Variants in FKTN observed in about 807,000 individuals in gnomAD.
The protein encoded by FKTN is ribitol-5-phosphate transferase FKTN.
In FKTN, 47 loss-of-function variants were observed where a neutral mutation model predicts 58.6. The ratio of observed to expected loss-of-function variants is 0.80; its 90% CI spans 0.63 to 1.02. FKTN has a LOEUF of 1.02. Ranked by LOEUF, FKTN falls within the 50% of genes least tolerant of loss-of-function variation. FKTN has a pLI of 0.00. For synonymous variants in FKTN, 178 were observed against 191.9 expected (o/e 0.93, Z 0.60); for missense variants, 516 against 537.3 (o/e 0.96, Z 0.39).
rs1834025619 is a variant in FKTN at position 105,636,242 on chromosome 9, A to G, written c.*978A>G. The G allele has an allele frequency of 2.2e-6, 2 of 905,730 alleles. No homozygotes were observed. Among genetic ancestry groups the G allele is most frequent in the Non-Finnish European group, 2.6e-6 (2 of 757,786 alleles). 56.1% of individuals were successfully genotyped at this position (905,730 alleles called of 1,614,324 possible). On this transcript the variant is annotated 3_prime_UTR_variant, in exon 11 of 11. Coordinates refer to ENST00000357998, the MANE Select transcript of FKTN (RefSeq NM_001079802.2). Reference sequence around the variant, plus strand: ...TTAAATATACTCTAATTTTTAAAACATACTCTTTATTATCTTCATTTATCA... The same window carrying G: ...TTAAATATACTCTAATTTTTAAAACGTACTCTTTATTATCTTCATTTATCA...
In FKTN at chr9:105,635,563, C is replaced by A. The variant is rs138262451; in HGVS notation, c.*299C>A. 217 of 1,269,062 alleles carry A rather than the reference C, an allele frequency of 1.7e-4. No homozygotes were observed. The African/African-American group carries it at 2.9e-3, about 17-fold the overall frequency. The allele number at this position is 1,269,062 out of a possible 1,614,324, so 78.6% of individuals were successfully genotyped here. On this transcript the variant is annotated 3_prime_UTR_variant, in exon 11 of 11. Coordinates refer to ENST00000357998, the MANE Select transcript of FKTN (RefSeq NM_001079802.2). ...TCCTTTGAGGGAACCCTCCCCCACC[C>A]TTTGAAGAGTTCAAGTTCTGTACAG...
At chr9:105,619,442 C>A (rs1831459816) in intron 9 of FKTN, among the ~76,000 whole-genome samples, 1 of 152,040 alleles carries the variant, frequency 6.6e-6, no homozygotes, top group Admixed American at 6.5e-5. Context: ...TTTACCTTAA[C>A]TTTTATTTTT....
intron 10 of FKTN, among the ~76,000 whole-genome samples, chr9:105,633,749 G>T (rs952373337): frequency 1.3e-5 from 2 of 152,174 alleles, no homozygotes; most frequent in African/African-American, 2.4e-5. Flanking sequence ...TCCTTTTCAT[G>T]TATGGCTTTA....
chr9:105,636,829 TA>T lies in FKTN; in HGVS notation c.*1566del. ...CTGGTAGACTTTTTCGAAAACAAATTAGAGAAAGTAACTTACAACCACCCAT... is the reference window on the plus strand; with the variant it reads ...CTGGTAGACTTTTTCGAAAACAAATTGAGAAAGTAACTTACAACCACCCAT... On this transcript the variant is annotated 3_prime_UTR_variant, in exon 11 of 11. Coordinates refer to ENST00000357998, the MANE Select transcript of FKTN (RefSeq NM_001079802.2). The T allele has an allele frequency of 8.2e-7, 1 of 1,218,120 alleles. No homozygotes were observed. Among genetic ancestry groups the T allele is most frequent in the Non-Finnish European group, 1.1e-6 (1 of 936,212 alleles). The allele number at this position is 1,218,120 out of a possible 1,614,324, so 75.5% of individuals were successfully genotyped here. A position where few individuals can be genotyped will look rare whatever the true frequency, so the allele number is the denominator to read the frequency against.
At chr9:105,632,701 AACT>A (rs1331418779) in intron 10 of FKTN, among the ~76,000 whole-genome samples, 1 of 152,188 alleles carries the variant, frequency 6.6e-6, no homozygotes, top group Non-Finnish European at 1.5e-5. Flanking sequence ...CCAATTATTG[AACT>A]ACTGTTTTAT....
chr9:105,588,125 C>G (rs1468665050), intron 3 of FKTN, among the ~76,000 whole-genome samples: 4 of 152,196 alleles, frequency 2.6e-5, no homozygotes, highest in Non-Finnish European at 4.4e-5. Flanking sequence ...ATAAGAAACA[C>G]TGTTGGATAC....
chr9:105,638,686 A>G lies in FKTN; in HGVS notation c.*3422A>G. 1.1e-6 allele frequency: 1 copy of G among 936,246 alleles called. No individual in the cohort carries two copies. Among genetic ancestry groups the G allele is most frequent in the Non-Finnish European group, 1.3e-6 (1 of 786,452 alleles). 58.0% of individuals were successfully genotyped at this position (936,246 alleles called of 1,614,324 possible). On this transcript the variant is annotated 3_prime_UTR_variant, in exon 11 of 11. Transcript: ENST00000357998. The stretch of plus-strand genomic sequence containing the variant: ...CTGGAGTCACTTTGCAGTTTTCAAG[A>G]TTTTTTTTTTATCTGCTTGGCTGGA...
chr9:105,574,109 CAT>C (rs984904208), intron 2 of FKTN: 2 of 152,138 alleles, frequency 1.3e-5, no homozygotes, highest in African/African-American at 4.8e-5. Flanking sequence ...AGAACTGTAA[CAT>C]GTAGAAATAA....
chr9:105,591,612 T>C lies in FKTN; in HGVS notation c.106-4986T>C, dbSNP rs572992708. Among the ~76,000 whole-genome samples, 22 of 152,316 alleles carry C rather than the reference T, an allele frequency of 1.4e-4. No homozygotes were observed. The South Asian group carries it at 4.3e-3, about 30-fold the overall frequency. On this transcript the variant is annotated intron_variant, in intron 3 of 10. Transcript: ENST00000357998. ...CCACAACTGCTCTCATGGGCTGACA[T>C]TGAGTGCCTGCAGCTTTTCCTGGTG...
intron 4 of FKTN, 125 bp downstream of exon 4, chr9:105,596,782 T>C: frequency 2.6e-6 from 2 of 765,950 alleles, no homozygotes; most frequent in East Asian, 5.1e-5. Flanking sequence ...GGCCGGTTGG[T>C]AGTGGCAGGT....
rs562441818 is a variant in FKTN at position 105,607,274 on chromosome 9, A to G, written c.648-545A>G. 2.0e-5 allele frequency among the ~76,000 whole-genome samples: 3 copies of G among 152,214 alleles called. No individual in the cohort carries two copies. The East Asian group carries it at 5.8e-4, about 29-fold the overall frequency. ...TTAATGAGATTCTCAGGCCATTGTAATTAACTTGTGTGTCTTAAGTGTTAA... is the reference window on the plus strand; with the variant it reads ...TTAATGAGATTCTCAGGCCATTGTAGTTAACTTGTGTGTCTTAAGTGTTAA... On this transcript the variant is annotated intron_variant, in intron 6 of 10. Coordinates refer to ENST00000357998, the MANE Select transcript of FKTN (RefSeq NM_001079802.2).
rs776598821 is a variant in FKTN at position 105,577,601 on chromosome 9, G to A, written c.105+2464G>A. Among the ~76,000 whole-genome samples, 1,260 of 148,116 alleles carry A rather than the reference G, an allele frequency of 8.5e-3. 11 individuals carry two copies. The highest frequency in any genetic ancestry group is 0.017 in the Middle Eastern group (5 of 290). On this transcript the variant is annotated intron_variant, in intron 3 of 10. Transcript: ENST00000357998. ...GTAGTATAGTTTGAAGTCAGGTAGCGTGATGCCTCCAGCTTTGTTCTTTTG... is the reference window on the plus strand; with the variant it reads ...GTAGTATAGTTTGAAGTCAGGTAGCATGATGCCTCCAGCTTTGTTCTTTTG...
intron 10 of FKTN, among the ~76,000 whole-genome samples, chr9:105,621,338 C>T (rs542200184): frequency 1.4e-4 from 22 of 152,088 alleles, no homozygotes; most frequent in Non-Finnish European, 2.9e-4. Context: ...TTATTCTTTT[C>T]GGCACTATTT....
intron 1 of FKTN, among the ~76,000 whole-genome samples, chr9:105,566,111 GAC>G (rs1419654887): frequency 1.3e-5 from 2 of 152,164 alleles, no homozygotes; most frequent in African/African-American, 4.8e-5. Flanking sequence ...GGAGAACAAA[GAC>G]ACAACATACC....
At chr9:105,629,556 T>G (rs1413316727) in intron 10 of FKTN, among the ~76,000 whole-genome samples, 1 of 152,324 alleles carries the variant, frequency 6.6e-6, no homozygotes, top group African/African-American at 2.4e-5. Flanking sequence ...GAAGTGCTAT[T>G]AGATCTAGTT....
intron 6 of FKTN, among the ~76,000 whole-genome samples, chr9:105,607,512 A>G (rs570959148): frequency 6.6e-6 from 1 of 152,154 alleles, no homozygotes; most frequent in South Asian, 2.1e-4. Flanking sequence ...TGATGAAACT[A>G]TGCTTGATGT....
chr9:105,579,151 G>A (rs1451759188), intron 3 of FKTN, among the ~76,000 whole-genome samples: 2 of 151,984 alleles, frequency 1.3e-5, no homozygotes, highest in Non-Finnish European at 2.9e-5. Context: ...ATGGTTTTTT[G>A]TGTCTGTATC....
At chr9:105,579,721 TG>T (rs1842491748) in intron 3 of FKTN, among the ~76,000 whole-genome samples, 2 of 143,222 alleles carry the variant, frequency 1.4e-5, no homozygotes, top group Admixed American at 1.4e-4. Flanking sequence ...TGGGTATCCT[TG>T]TTGACTTTCT....
At chr9:105,587,137 A>G (rs1844057333) in intron 3 of FKTN, among the ~76,000 whole-genome samples, 1 of 152,196 alleles carries the variant, frequency 6.6e-6, no homozygotes, top group African/African-American at 2.4e-5. Flanking sequence ...TGTATTAGGC[A>G]CTGAGTGATC....
Sources: allele counts gnomAD v4.1 joint callset (sites outside exome capture counted in the v4.1 genomes callset), GRCh38; gene constraint gnomAD v4.1.1; transcripts MANE v1.5; gene names NCBI Gene and HGNC (gene_info 2026-07-23, HGNC 2026-07-21).